The following LAMA2 variants were observed in gnomAD, a reference collection of about 807,000 sequenced individuals.
LAMA2 encodes laminin subunit alpha-2.
Under a neutral mutation model 364.8 loss-of-function variants are expected in LAMA2, and 269 were observed. That is an observed-to-expected ratio of 0.74 (90% CI 0.67 to 0.82). LAMA2 has a LOEUF of 0.82. LAMA2 is among the 40% of genes least tolerant of loss of function. The probability of loss-of-function intolerance (pLI) is 0.00; values close to 1 mark genes in which losing one functional copy is unlikely to be tolerated. For synonymous variants in LAMA2, 1,379 were observed against 1,370.6 expected (o/e 1.01, Z -0.14); for missense variants, 3,807 against 3,873.2 (o/e 0.98, Z 0.45).
chr6:129,492,353 CT>C lies in LAMA2; in HGVS notation c.8115del (p.Asp2706ThrfsTer22). The C allele has an allele frequency of 3.1e-6, 5 of 1,614,160 alleles. No individual in the cohort carries two copies. Among genetic ancestry groups the C allele is most frequent in the Non-Finnish European group, 4.2e-6 (5 of 1,179,992 alleles). On this transcript the variant is annotated frameshift_variant, in exon 58 of 65. Transcript: ENST00000421865. LOFTEE classifies it high-confidence loss of function. ...GCAAGGCCTGTGTCCTTCAAAAATG[CT>C]GACATTGGTCGCTGTGCCCATCAGA... ...DFARPVSFKN[A>X]DIGRCAHQKL...
chr6:129,275,174 G>A (rs1177014677), intron 17 of LAMA2, among the ~76,000 whole-genome samples: 3 of 151,952 alleles, frequency 2.0e-5, no homozygotes, highest in African/African-American at 7.2e-5. Context: ...TGTATTCCAA[G>A]ACAATAGGTA....
At chr6:129,477,161 A>C (rs573989304) in intron 53 of LAMA2, among the ~76,000 whole-genome samples, 1 of 152,346 alleles carries the variant, frequency 6.6e-6, no homozygotes, top group Non-Finnish European at 1.5e-5. Flanking sequence ...TATTCAAAAT[A>C]GTAGCCACAA....
intron 3 of LAMA2, among the ~76,000 whole-genome samples, chr6:129,068,122 G>A (rs546154725): frequency 1.5e-4 from 23 of 152,228 alleles, no homozygotes; most frequent in Middle Eastern, 3.4e-3. Flanking sequence ...CATTCAATGT[G>A]TTTGTATTAA....
intron 4 of LAMA2, among the ~76,000 whole-genome samples, chr6:129,141,445 C>T (rs1441392023): frequency 1.3e-5 from 2 of 152,038 alleles, no homozygotes; most frequent in African/African-American, 2.4e-5. Flanking sequence ...GAAGACATTG[C>T]ATTCTATTCC....
intron 7 of LAMA2, 53 bp from the exon 8 acceptor site, chr6:129,154,452 A>T: frequency 2.0e-6 from 3 of 1,475,510 alleles, no homozygotes; most frequent in Non-Finnish European, 2.8e-6. Context: ...AATGATTTTT[A>T]AATGTATCTG....
chr6:128,976,659 A>G (rs1346771605), intron 1 of LAMA2, among the ~76,000 whole-genome samples: 1 of 152,202 alleles, frequency 6.6e-6, no homozygotes, highest in African/African-American at 2.4e-5. Context: ...TCACTAATGA[A>G]AGGAGTGTGA....
chr6:129,104,785 C>G (rs1046335073), intron 4 of LAMA2, among the ~76,000 whole-genome samples: 1 of 152,128 alleles, frequency 6.6e-6, no homozygotes, highest in African/African-American at 2.4e-5. Context: ...CCCTCCACTC[C>G]ACATTGATTT....
At chr6:129,034,781 A>T (rs765502665) in intron 1 of LAMA2, among the ~76,000 whole-genome samples, 3 of 152,164 alleles carry the variant, frequency 2.0e-5, no homozygotes, top group Admixed American at 2.0e-4. Context: ...AGCTCCATCC[A>T]TGTTGCTGCA....
chr6:129,107,685 T>C (rs901688448), intron 4 of LAMA2, among the ~76,000 whole-genome samples: 7 of 152,178 alleles, frequency 4.6e-5, no homozygotes, highest in African/African-American at 1.7e-4. Flanking sequence ...ATCTAAGAAA[T>C]TTCCCATGTA....
At chr6:129,295,050 T>A (rs535211381) in intron 20 of LAMA2, among the ~76,000 whole-genome samples, 1 of 152,240 alleles carries the variant, frequency 6.6e-6, no homozygotes, top group African/African-American at 2.4e-5. Context: ...GACTATTTTT[T>A]CCTCTGCAGC....
At chr6:129,431,215 G>A (rs955405287) in intron 41 of LAMA2, among the ~76,000 whole-genome samples, 6 of 151,918 alleles carry the variant, frequency 3.9e-5, no homozygotes, top group East Asian at 1.9e-4. Context: ...CATGGCCAGC[G>A]TGGTGAAACC....
intron 8 of LAMA2, chr6:129,157,924 T>C: frequency 2.5e-6 from 4 of 1,614,184 alleles, no homozygotes; most frequent in Non-Finnish European, 3.4e-6. Flanking sequence ...CCCACCCTGG[T>C]ATTCAAGGGC....
At chr6:129,269,083 G>A (rs555756578) in intron 16 of LAMA2, among the ~76,000 whole-genome samples, 1 of 152,152 alleles carries the variant, frequency 6.6e-6, no homozygotes, top group South Asian at 2.1e-4. Context: ...AATTTATAAA[G>A]CTTAACTTGC....
intron 40 of LAMA2, among the ~76,000 whole-genome samples, chr6:129,407,188 G>C (rs1780289828): frequency 6.6e-6 from 1 of 151,880 alleles, no homozygotes; most frequent in Admixed American, 6.6e-5. Context: ...AATCTCCTTT[G>C]GCAACACCCT....
Position 129,234,651 on chromosome 6 carries a change from A to G in LAMA2, c.1783-15461A>G, listed in dbSNP as rs370709137. Among the ~76,000 whole-genome samples the G allele has an allele frequency of 2.0e-4, 31 of 152,336 alleles. 1 individual carries two copies. In the South Asian group the frequency reaches 6.2e-3, roughly 31 times the overall value. ...GGTACATTTTATAAATAGCTGCAAAATCAAAACTGCATTTTTGAAATGTAA... is the reference window on the plus strand; with the variant it reads ...GGTACATTTTATAAATAGCTGCAAAGTCAAAACTGCATTTTTGAAATGTAA... On this transcript the variant is annotated intron_variant, in intron 12 of 64. Transcript: ENST00000421865.
chr6:129,393,606 C>G (rs1488841208), intron 37 of LAMA2, among the ~76,000 whole-genome samples: 1 of 152,116 alleles, frequency 6.6e-6, no homozygotes, highest in Non-Finnish European at 1.5e-5. Context: ...TTGGGCAAGT[C>G]AATTAATCTG....
At chr6:128,934,720 G>C (rs939612138) in intron 1 of LAMA2, among the ~76,000 whole-genome samples, 4 of 152,008 alleles carry the variant, frequency 2.6e-5, no homozygotes, top group African/African-American at 9.7e-5. Flanking sequence ...TGTTGGACAG[G>C]CTGGTCTCAA....
At chr6:129,233,319 G>C (rs1784787862) in intron 12 of LAMA2, among the ~76,000 whole-genome samples, 1 of 152,012 alleles carries the variant, frequency 6.6e-6, no homozygotes, top group African/African-American at 2.4e-5. Flanking sequence ...CAGGGATTAG[G>C]GATGCTGACC....
At position 129,478,689 on chromosome 6, in the gene LAMA2, A is replaced by G; in HGVS notation, c.7452-4A>G. On this transcript the variant is annotated splice_polypyrimidine_tract_variant and splice_region_variant and intron_variant, in intron 53 of 64. Coordinates refer to ENST00000421865, the MANE Select transcript of LAMA2 (RefSeq NM_000426.4). ...CTTTTGCTTTTCATTTGACTATTCA[A>G]TAGGCCAGAAGTAAATCTGAAGAAA... The G allele has an allele frequency of 6.2e-7, 1 of 1,613,494 alleles. No homozygotes were observed. The highest frequency in any genetic ancestry group is 8.5e-7 in the Non-Finnish European group (1 of 1,179,572).
Sources: gnomAD v4.1 joint callset for allele counts (sites outside exome capture counted in the v4.1 genomes callset) on GRCh38, gnomAD v4.1.1 for gene constraint, MANE v1.5 for transcripts, NCBI Gene and HGNC (gene_info 2026-07-23, HGNC 2026-07-21) for gene names.